The following CDK5RAP2 variants were observed in gnomAD, a reference collection of about 807,000 sequenced individuals.
CDK5RAP2 encodes CDK5 regulatory subunit associated protein 2, also known as CDK5 regulatory subunit-associated protein 2.
CDK5RAP2 carries 147 observed loss-of-function variants against 232.9 expected under a neutral mutation model. The observed-to-expected ratio is 0.63, with a 90% CI of 0.55 to 0.72. The LOEUF (loss-of-function observed/expected upper bound fraction) is 0.72, where lower values mean the gene tolerates loss of function less well. CDK5RAP2 is among the 30% of genes least tolerant of loss of function. The pLI is 0.00. For synonymous variants in CDK5RAP2, 833 were observed against 833.7 expected (o/e 1.00, Z 0.01); for missense variants, 2,195 against 2,231.5 (o/e 0.98, Z 0.33).
At chr9:120,508,503 C>A (rs149525541) in intron 12 of CDK5RAP2, among the ~76,000 whole-genome samples, 14 of 152,362 alleles carry the variant, frequency 9.2e-5, no homozygotes, top group African/African-American at 3.4e-4. Flanking sequence ...ATGTGCCTCA[C>A]CTAACAGTAT....
chr9:120,447,905 C>G lies in CDK5RAP2; in HGVS notation c.3015G>C (p.Thr1005=). 6.2e-7 allele frequency: 1 copy of G among 1,613,546 alleles called. No homozygotes were observed. Among genetic ancestry groups the G allele is most frequent in the Non-Finnish European group, 8.5e-7 (1 of 1,179,432 alleles). The change falls in exon 22 of 38, where the codon ACG becomes ACC. Residue 1005 remains threonine (T), a synonymous_variant. Transcript: ENST00000349780. ...VMEGRPTPDK[T]LLNAQPPVGA... is the part of the protein sequence containing the mutation. ...TTTCTTGGTGCTTACCATTCAGCAA[C>G]GTTTTGTCGGGCGTTGGCCTCCCCT...
chr9:120,519,099 C>T (rs1340979121), intron 11 of CDK5RAP2, among the ~76,000 whole-genome samples: 3 of 151,370 alleles, frequency 2.0e-5, no homozygotes, highest in Non-Finnish European at 4.4e-5. Flanking sequence ...TGCATGAACC[C>T]GGAGGCGGAG....
chr9:120,560,107 C>A (rs971658416), intron 3 of CDK5RAP2, among the ~76,000 whole-genome samples: 1 of 152,222 alleles, frequency 6.6e-6, no homozygotes, highest in Non-Finnish European at 1.5e-5. Flanking sequence ...CCACCCAAGA[C>A]AGCAAGAGCT....
intron 28 of CDK5RAP2, among the ~76,000 whole-genome samples, chr9:120,413,491 G>T (rs557695905): frequency 1.3e-5 from 2 of 152,316 alleles, no homozygotes; most frequent in African/African-American, 4.8e-5. Flanking sequence ...TGACAACATG[G>T]TGAGAACAGC....
chr9:120,577,988 C>T (rs186208969), intron 1 of CDK5RAP2, among the ~76,000 whole-genome samples: 9 of 152,252 alleles, frequency 5.9e-5, no homozygotes, highest in South Asian at 2.1e-4. Flanking sequence ...ATAGTTCTCA[C>T]GCCGGGCGCG....
chr9:120,472,469 GAGGACTCCTGCTGTGTT>G (rs2037766454), intron 15 of CDK5RAP2, among the ~76,000 whole-genome samples: 1 of 152,196 alleles, frequency 6.6e-6, no homozygotes, highest in Non-Finnish European at 1.5e-5. Context: ...AAGGGAGACA[GAGGACTCCTGCTGTGTT>G]ACTCCTCAAA....
intron 5 of CDK5RAP2, among the ~76,000 whole-genome samples, chr9:120,544,875 G>A (rs1167577054): frequency 6.6e-6 from 1 of 152,156 alleles, no homozygotes; most frequent in African/African-American, 2.4e-5. Flanking sequence ...TGGAGTAGAA[G>A]GGTGGAGGGC....
intron 21 of CDK5RAP2, among the ~76,000 whole-genome samples, chr9:120,452,575 G>A (rs557735234): frequency 1.4e-4 from 21 of 151,744 alleles, no homozygotes; most frequent in Non-Finnish European, 2.8e-4. Flanking sequence ...CCCTTCTATA[G>A]GGATTCTTGG....
rs969459215 is a variant in CDK5RAP2, at chr9:120,408,577, C to T, written c.4605-109G>A. On this transcript the variant is annotated intron_variant, in intron 30 of 37. Coordinates refer to ENST00000349780, the MANE Select transcript of CDK5RAP2 (RefSeq NM_018249.6). ...CCACCCTCAGTCACAAGAGTGTGGA[C>T]CAAGAAGTGACAAGCATGGTTAAGA... is the stretch of plus-strand genomic sequence containing the variant. 82 of 1,187,158 alleles carry T rather than the reference C, an allele frequency of 6.9e-5. 1 individual carries two copies. The South Asian group carries it at 1.0e-3, about 14-fold the overall frequency. The allele number at this position is 1,187,158 out of a possible 1,614,324, so 73.5% of individuals were successfully genotyped here.
chr9:120,463,873 T>G (rs1175941529), intron 18 of CDK5RAP2, among the ~76,000 whole-genome samples: 1 of 152,178 alleles, frequency 6.6e-6, no homozygotes, highest in Admixed American at 6.5e-5. Context: ...CTGCATGCTA[T>G]TTACTCATTT....
At chr9:120,479,388 T>C (rs1017991172) in intron 14 of CDK5RAP2, among the ~76,000 whole-genome samples, 5 of 152,110 alleles carry the variant, frequency 3.3e-5, no homozygotes, top group African/African-American at 7.2e-5. Context: ...GATGTTTACA[T>C]AGACTCAAAA....
chr9:120,411,273 T>C (rs2033828396), intron 29 of CDK5RAP2, 85 bp downstream of exon 29: 1 of 824,814 alleles, frequency 1.2e-6, no homozygotes, highest in African/African-American at 1.7e-5. Flanking sequence ...CATACTTAGG[T>C]TGGTCAGACT....
intron 12 of CDK5RAP2, among the ~76,000 whole-genome samples, chr9:120,496,655 G>A (rs2039271483): frequency 6.9e-6 from 1 of 144,096 alleles, no homozygotes; most frequent in South Asian, 2.1e-4. Context: ...GAGCCCCTCT[G>A]CCCGGCCAGC....
At chr9:120,471,506 G>A (rs1287655952) in intron 16 of CDK5RAP2, among the ~76,000 whole-genome samples, 1 of 152,204 alleles carries the variant, frequency 6.6e-6, no homozygotes, top group Non-Finnish European at 1.5e-5. Flanking sequence ...ATCAAATGAT[G>A]CAGAAAACAG....
chr9:120,441,150 T>C (rs2035875688), intron 23 of CDK5RAP2, among the ~76,000 whole-genome samples: 1 of 152,238 alleles, frequency 6.6e-6, no homozygotes, highest in African/African-American at 2.4e-5. Context: ...GTGCAGCTTC[T>C]GTTCTTAACC....
chr9:120,477,092 T>TA (rs2038056351), intron 15 of CDK5RAP2, among the ~76,000 whole-genome samples: 1 of 152,268 alleles, frequency 6.6e-6, no homozygotes, highest in Non-Finnish European at 1.5e-5. Context: ...AAAGTATTTT[T>TA]AAAACCTGAG....
Position 120,471,806 on chromosome 9 carries a change from T to A in CDK5RAP2, c.1800A>T (p.Ser600=). The A allele has an allele frequency of 6.2e-7, 1 of 1,613,844 alleles. No homozygotes were observed. Among genetic ancestry groups the A allele is most frequent in the Admixed American group, 1.7e-5 (1 of 60,018 alleles). Residue 600 remains serine, a synonymous_variant, in exon 16 of 38, where the codon TCA becomes TCT. Transcript: ENST00000349780. ...LRKQLEQDVL[S]YQNLRKTLEE... ...CCAAGGTCTTCCGCAAATTCTGATA[T>A]GAAAGCACATCCTGCTCCAGTTGCT...
intron 7 of CDK5RAP2, among the ~76,000 whole-genome samples, chr9:120,531,132 G>A (rs572128200): frequency 5.1e-4 from 78 of 151,926 alleles, no homozygotes; most frequent in Middle Eastern, 3.4e-3. Flanking sequence ...CATCTCTCAC[G>A]GGAAACCATC....
At chr9:120,554,069 AC>A (rs1447912138) in intron 3 of CDK5RAP2, among the ~76,000 whole-genome samples, 1 of 152,236 alleles carries the variant, frequency 6.6e-6, no homozygotes, top group African/African-American at 2.4e-5. Flanking sequence ...AGAATGAGAG[AC>A]CACATTGTGC....
Sources: gnomAD v4.1 joint callset for allele counts (sites outside exome capture counted in the v4.1 genomes callset) on GRCh38, gnomAD v4.1.1 for gene constraint, MANE v1.5 for transcripts, NCBI Gene and HGNC (gene_info 2026-07-23, HGNC 2026-07-21) for gene names.